The following MDN1 variants were observed in gnomAD, a reference collection of about 807,000 sequenced individuals.
The protein encoded by MDN1 is midasin AAA ATPase 1.
In MDN1, 266 loss-of-function variants were observed where a neutral mutation model predicts 669.2. That is an observed-to-expected ratio of 0.40 (90% CI 0.36 to 0.44). MDN1 has a LOEUF of 0.44. Ranked by LOEUF, MDN1 falls within the 20% of genes least tolerant of loss-of-function variation. The probability of loss-of-function intolerance (pLI) is 1.00; values close to 1 mark genes in which losing one functional copy is unlikely to be tolerated. For missense variants in MDN1, 5,940 were observed against 6,754.0 expected, an observed-to-expected ratio of 0.88 and a Z score of 4.22; for synonymous variants, 2,385 against 2,457.1, an observed-to-expected ratio of 0.97 and a Z score of 0.87.
intron 35 of MDN1, 57 bp from the exon 36 acceptor site, chr6:89,729,196 T>C (rs1815420354): frequency 7.2e-7 from 1 of 1,381,762 alleles, no homozygotes; most frequent in Non-Finnish European, 1.0e-6. Context: ...ATCACATGTA[T>C]GCATCAACTC....
At chr6:89,654,729 T>C (rs893081161) in intron 92 of MDN1, among the ~76,000 whole-genome samples, 1 of 152,182 alleles carries the variant, frequency 6.6e-6, no homozygotes, top group African/African-American at 2.4e-5. Flanking sequence ...GAAGAGCAGA[T>C]TTGAATGTTC....
chr6:89,725,375 C>G lies in MDN1; in HGVS notation c.5494G>C (p.Val1832Leu), dbSNP rs553456690. ...AAACAAGCATTGAGTCCTTCCAATA[C>G]AGACTGAGAAGCCAGGTTAAGCTAT... ...LDELNLASQS[V>L]LEGLNACFDH... is the part of the protein sequence containing the mutation. Residue 1832 changes from valine (V) to leucine (L), a missense_variant, in exon 38 of 102, where the codon GTA becomes CTA. Val to Leu is a conservative substitution (Grantham distance 32). Around this residue, in one of 5 missense-constraint regions of MDN1, gnomAD observed 2,292 missense variants for 2,638.3 expected, o/e 0.87. Coordinates refer to ENST00000369393, the MANE Select transcript of MDN1 (RefSeq NM_014611.3). 5.0e-6 allele frequency: 8 copies of G among 1,613,808 alleles called. No homozygotes were observed. The South Asian group carries it at 8.8e-5, about 18-fold the overall frequency.
chr6:89,650,337 A>G (rs2128298240), intron 96 of MDN1, 139 bp from the exon 97 acceptor site: 1 of 794,360 alleles, frequency 1.3e-6, no homozygotes, highest in Non-Finnish European at 1.9e-6. Flanking sequence ...GTTTCTGTCA[A>G]TTGACGACTA....
At chr6:89,771,455 T>C in intron 15 of MDN1, 106 bp downstream of exon 15, 1 of 951,236 alleles carries the variant, frequency 1.1e-6, no homozygotes, top group Non-Finnish European at 1.6e-6. Context: ...CTTTTTCTAT[T>C]GCATCGAGCA....
chr6:89,815,319 G>T, intron 1 of MDN1: 1 of 482,842 alleles, frequency 2.1e-6, no homozygotes, highest in Admixed American at 2.3e-5. Context: ...TCCAGAAGCT[G>T]TCCCAAGAGC....
In MDN1 at chr6:89,646,541, T is replaced by C; in HGVS notation, c.16458A>G (p.Ser5486=). 1 of 1,613,840 alleles carries C rather than the reference T, an allele frequency of 6.2e-7. No individual in the cohort carries two copies. Among genetic ancestry groups the C allele is most frequent in the Non-Finnish European group, 8.5e-7 (1 of 1,179,718 alleles). Residue 5486 remains serine (S), a splice_region_variant and synonymous_variant, in exon 100 of 102, where the codon TCA becomes TCG. Coordinates refer to ENST00000369393, the MANE Select transcript of MDN1 (RefSeq NM_014611.3). The part of the protein sequence containing the change: ...AAQQLSQNIS[S]ETAQLLLVVS... ...TGAAGAGGAAGGCATGCAGCTCACC[T>C]GAACTGATGTTCTGCGAGAGCTGCT...
rs770089682 is a variant in MDN1 at position 89,695,878 on chromosome 6, C to T, written c.9498G>A (p.Leu3166=). 4.4e-5 allele frequency: 71 copies of T among 1,613,262 alleles called. No homozygotes were observed. Among genetic ancestry groups the T allele is most frequent in the Non-Finnish European group, 5.7e-5 (67 of 1,180,050 alleles). The change falls in exon 61 of 102, where the codon CTG becomes CTA. Residue 3166 remains leucine, a synonymous_variant. Coordinates refer to ENST00000369393, the MANE Select transcript of MDN1 (RefSeq NM_014611.3). This position sits in a 1 kb window ranked among gnomAD's most constrained non-coding sequence, Gnocchi z 4.1. The part of the protein sequence containing the change: ...QEYMQNCEQL[L]LGSSQAFQHV... ...GCTGGAAGGCCTGGCTGCTCCCAAG[C>T]AGCAGCTGCTCACAGTTCTGCATGT...
At chr6:89,783,770 C>G (rs1818803939) in intron 9 of MDN1, among the ~76,000 whole-genome samples, 1 of 152,144 alleles carries the variant, frequency 6.6e-6, no homozygotes, top group African/African-American at 2.4e-5. Flanking sequence ...TCTTTGTACT[C>G]TTTCTCTTTA....
Position 89,706,072 on chromosome 6 carries a change from G to T in MDN1, c.8135C>A (p.Ala2712Asp). 6.2e-7 allele frequency: 1 copy of T among 1,604,024 alleles called. No homozygotes were observed. ...VQSSQGMVSD[A>D]SANEILGSLR... is the part of the protein sequence containing the mutation. ...GCAGTTCCTTACCTCATTGGCACTG[G>T]CATCAGACACCATTCCCTGGGAGGA... is the stretch of plus-strand genomic sequence containing the variant. Residue 2712 changes from alanine to aspartate, a missense_variant, in exon 53 of 102, where the codon GCC becomes GAC. Physicochemically the swap from Ala to Asp is moderately radical, Grantham distance 126. Coordinates refer to ENST00000369393, the MANE Select transcript of MDN1 (RefSeq NM_014611.3).
chr6:89,673,661 T>G, intron 79 of MDN1, 199 bp from the exon 80 acceptor site: 3 of 573,492 alleles, frequency 5.2e-6, no homozygotes, highest in Non-Finnish European at 6.1e-6. Context: ...ATAATTTGAT[T>G]CTATTACTAA....
chr6:89,683,750 A>C, intron 72 of MDN1, 81 bp downstream of exon 72: 1 of 1,009,002 alleles, frequency 9.9e-7, no homozygotes, highest in Non-Finnish European at 1.6e-6. Flanking sequence ...AAGTTAGGTT[A>C]TGGTAACTAT....
intron 69 of MDN1, 55 bp downstream of exon 69, chr6:89,686,847 A>G: frequency 1.9e-6 from 3 of 1,601,542 alleles, no homozygotes; most frequent in South Asian, 1.1e-5. Flanking sequence ...ACTTTGCAGC[A>G]CTCCATTTAG....
chr6:89,706,196 A>G lies in MDN1; in HGVS notation c.8015-4T>C, dbSNP rs755223668. On this transcript the variant is annotated splice_region_variant and splice_polypyrimidine_tract_variant and intron_variant, in intron 52 of 101. Transcript: ENST00000369393. ...AGAGTGTGATAGCTTTCTGGATCTG[A>G]GAGTCAACATAAATAAAATGAGAAC... 6.2e-7 allele frequency: 1 copy of G among 1,606,454 alleles called. No individual in the cohort carries two copies. The highest frequency in any genetic ancestry group is 1.1e-5 in the South Asian group (1 of 89,738).
At chr6:89,657,297 T>C (rs1242335201) in intron 90 of MDN1, among the ~76,000 whole-genome samples, 1 of 152,204 alleles carries the variant, frequency 6.6e-6, no homozygotes, top group African/African-American at 2.4e-5. Flanking sequence ...GTGGTAGTCA[T>C]ACGGTATAAG....
chr6:89,754,338 G>C, intron 20 of MDN1, 108 bp from the exon 21 acceptor site: 1 of 1,123,358 alleles, frequency 8.9e-7, no homozygotes, highest in Non-Finnish European at 1.3e-6. Context: ...AAATGATCAT[G>C]CACACAACTT....
At chr6:89,680,554 A>G (rs953950864) in intron 74 of MDN1, 35 bp downstream of exon 74, 1 of 1,600,566 alleles carries the variant, frequency 6.2e-7, no homozygotes, top group African/African-American at 1.3e-5. Context: ...GGGAAAACAG[A>G]AAGATCCACC....
intron 53 of MDN1, among the ~76,000 whole-genome samples, chr6:89,704,332 A>G (rs1188261289): frequency 2.0e-5 from 3 of 152,188 alleles, no homozygotes; most frequent in Non-Finnish European, 2.9e-5. Flanking sequence ...CAATGAGCTG[A>G]GATCACGCCA....
Position 89,787,870 on chromosome 6 carries a change from A to C in MDN1, c.1318T>G (p.Phe440Val), listed in dbSNP as rs4707569. ...DCLKVAPGFQ[F>V]FATRRLLSCG... is the part of the protein sequence containing the mutation. The stretch of plus-strand genomic sequence containing the variant: ...AGTACATACCTCCTGGTTGCAAAAA[A>C]CTGAAATCCAGGTGCCACTTTCAGA... The change falls in exon 8 of 102, where the codon TTT (phenylalanine) becomes GTT (valine). Residue 440 changes from phenylalanine (F) to valine (V), a missense_variant. Phe to Val is a conservative substitution (Grantham distance 50, BLOSUM62 -1). Around this residue, in one of 5 missense-constraint regions of MDN1, gnomAD observed 1,203 missense variants for 1,268.9 expected, o/e 0.95. Coordinates refer to ENST00000369393, the MANE Select transcript of MDN1 (RefSeq NM_014611.3). 278,515 of 1,612,006 alleles carry C rather than the reference A, an allele frequency of 0.17. 24,766 individuals are homozygous for C. Among genetic ancestry groups the C allele is most frequent in the East Asian group, 0.2 (8,750 of 44,850 alleles).
intron 84 of MDN1, among the ~76,000 whole-genome samples, chr6:89,665,816 G>C (rs550668748): frequency 1.3e-5 from 2 of 152,170 alleles, no homozygotes; most frequent in Admixed American, 1.3e-4. Context: ...GAGGCGGGCA[G>C]ATCACTTGAG....
Sources: gnomAD v4.1 joint callset for allele counts (sites outside exome capture counted in the v4.1 genomes callset) on GRCh38, gnomAD v4.1.1 for gene constraint, gnomAD v4.1.1 regional missense constraint, Gnocchi (gnomAD v3.1) non-coding constraint, MANE v1.5 for transcripts, NCBI Gene and HGNC (gene_info 2026-07-23, HGNC 2026-07-21) for gene names.